The following PYGB variants were observed in gnomAD, a reference collection of about 807,000 sequenced individuals.
PYGB encodes the protein glycogen phosphorylase B.
In PYGB, 82 loss-of-function variants were observed where a neutral mutation model predicts 94.3. That is an observed-to-expected ratio of 0.87 (90% CI 0.73 to 1.04). The LOEUF is 1.04. Ranked by LOEUF, PYGB falls within the 50% of genes least tolerant of loss-of-function variation. The pLI, the probability that PYGB is intolerant of heterozygous loss-of-function variation, is 0.00. For missense variants in PYGB, 1,132 were observed against 1,158.2 expected, an observed-to-expected ratio of 0.98 and a Z score of 0.33; for synonymous variants, 488 against 479.1, an observed-to-expected ratio of 1.02 and a Z score of -0.24.
chr20:25,271,526 G>A (rs201568839), intron 4 of PYGB, 40 bp downstream of exon 4: 898 of 1,572,540 alleles, frequency 5.7e-4, no homozygotes, highest in Non-Finnish European at 7.3e-4. Flanking sequence ...TCCAGCTCTC[G>A]TTCACACAAT....
chr20:25,293,956 A>T, intron 17 of PYGB: 1 of 619,946 alleles, frequency 1.6e-6, no homozygotes, highest in East Asian at 2.8e-5. Context: ...CTTTAGACTG[A>T]CTTCACATCT....
intron 1 of PYGB, among the ~76,000 whole-genome samples, chr20:25,249,759 G>A (rs1209872248): frequency 6.6e-6 from 1 of 152,160 alleles, no homozygotes; most frequent in African/African-American, 2.4e-5. Flanking sequence ...TTATAACAAG[G>A]GCTTGGGATG....
chr20:25,258,952 AC>A (rs1345119254), intron 1 of PYGB, among the ~76,000 whole-genome samples: 2 of 152,172 alleles, frequency 1.3e-5, no homozygotes, highest in Admixed American at 6.5e-5. Flanking sequence ...CCAACCACCA[AC>A]CTGCCCTGCC....
In PYGB at chr20:25,294,273, A is replaced by T; in HGVS notation, c.2293A>T (p.Met765Leu). The stretch of plus-strand genomic sequence containing the variant: ...AGACTGCTTCAAGGACATCGTGAAC[A>T]TGCTGATGCACCATGACAGGTGGGA... ...EPDCFKDIVN[M>L]LMHHDRFKVF... is the part of the protein sequence containing the mutation. The change falls in exon 18 of 20, where the codon ATG (methionine) becomes TTG (leucine). Residue 765 changes from methionine (M) to leucine (L), a missense_variant. Transcript: ENST00000216962. 1.5e-6 allele frequency: 2 copies of T among 1,364,066 alleles called. No homozygotes were observed. The highest frequency in any genetic ancestry group is 2.0e-6 in the Non-Finnish European group (2 of 1,022,914). 84.5% of individuals were successfully genotyped at this position (1,364,066 alleles called of 1,614,324 possible).
In PYGB at chr20:25,279,153, A is replaced by T; in HGVS notation, c.1092+4A>T. On this transcript the variant is annotated splice_donor_region_variant and intron_variant, in intron 9 of 19. Transcript: ENST00000216962. ...GGAGAAGGTGGACTGGGACAAGGTG[A>T]GCATGGAGGAAAAGGGCGGCACCTC... 1.2e-6 allele frequency: 2 copies of T among 1,613,356 alleles called. No individual in the cohort carries two copies. Among genetic ancestry groups the T allele is most frequent in the Non-Finnish European group, 1.7e-6 (2 of 1,179,552 alleles).
At chr20:25,269,353 C>A in intron 3 of PYGB, 146 bp downstream of exon 3, 2 of 601,692 alleles carry the variant, frequency 3.3e-6, no homozygotes, top group Non-Finnish European at 5.8e-6. Flanking sequence ...TGAAATCTTG[C>A]CACTAGTGGG....
intron 3 of PYGB, among the ~76,000 whole-genome samples, chr20:25,269,970 G>A (rs1436237227): frequency 6.6e-6 from 1 of 152,060 alleles, no homozygotes; most frequent in Admixed American, 6.6e-5. Flanking sequence ...CTGCCCACAG[G>A]GTCCTGTACC....
In PYGB at chr20:25,281,092, G is replaced by A. The variant is rs373736028; in HGVS notation, c.1383G>A (p.Ser461=). 1.3e-5 allele frequency: 21 copies of A among 1,614,054 alleles called. 1 individual carries two copies. In the South Asian group the frequency reaches 1.5e-4, roughly 12 times the overall value. The change falls in exon 11 of 20, where the codon TCG becomes TCA. Residue 461 remains serine (S), a synonymous_variant. Transcript: ENST00000216962. The stretch of plus-strand genomic sequence containing the variant: ...TCAATGGTGTGGCGAGGATCCACTC[G>A]GAGATCGTGAAACAGTCGGTGTGAG... ...HAVNGVARIH[S]EIVKQSVFKD...
rs568632001 is a variant in PYGB at position 25,285,474 on chromosome 20, C to G, written c.1768+1223C>G. The G allele has an allele frequency of 1.5e-4, 23 of 152,168 alleles. No homozygotes were observed. In the East Asian group the frequency reaches 4.5e-3, roughly 30 times the overall value. The allele number at this position is 152,168 out of a possible 1,614,324, so 9.4% of individuals were successfully genotyped here. A position where few individuals can be genotyped will look rare whatever the true frequency, so the allele number is the denominator to read the frequency against. On this transcript the variant is annotated intron_variant, in intron 14 of 19. Transcript: ENST00000216962. ...TTTCCTCCTCCCGCTCCGCCACCCC[C>G]AGTCGTCAGTTGTTGCATCGTCTTC...
chr20:25,258,419 C>T (rs1395369413), intron 1 of PYGB, among the ~76,000 whole-genome samples: 1 of 152,180 alleles, frequency 6.6e-6, no homozygotes, highest in Non-Finnish European at 1.5e-5. Context: ...AGTGTTTGGC[C>T]CCTGGTTAAA....
intron 11 of PYGB, 106 bp downstream of exon 11, chr20:25,281,218 G>A: frequency 7.1e-7 from 1 of 1,408,090 alleles, no homozygotes; most frequent in Non-Finnish European, 9.7e-7. Flanking sequence ...CATACAACCT[G>A]TGCCACTAGG....
At chr20:25,251,030 C>T (rs1166132340) in intron 1 of PYGB, 1 of 152,168 alleles carries the variant, frequency 6.6e-6, no homozygotes, top group Non-Finnish European at 1.5e-5. Flanking sequence ...ACTCTTAGCA[C>T]TTTATTTGTG....
rs755591592 is a variant in PYGB, at chr20:25,278,428, C to G, written c.965C>G (p.Pro322Arg). The change falls in exon 8 of 20, where the codon CCT becomes CGT. Residue 322 changes from proline to arginine, a missense_variant. By Grantham distance (103) the Pro-to-Arg change is moderately radical. Coordinates refer to ENST00000216962, the MANE Select transcript of PYGB (RefSeq NM_002862.4). ...TCGTCCAAGTTCGGCTGCCGGGACC[C>G]TGTGAGAACCTGTTTCGAGACGTTC... ...FKSSKFGCRD[P>R]VRTCFETFPD... 1 of 1,614,106 alleles carries G rather than the reference C, an allele frequency of 6.2e-7. No individual in the cohort carries two copies.
At position 25,291,209 on chromosome 20, in the gene PYGB, C is replaced by T. The variant is rs940639859; in HGVS notation, c.1969+587C>T. Among the ~76,000 whole-genome samples, 6 of 152,218 alleles carry T rather than the reference C, an allele frequency of 3.9e-5. No homozygotes were observed. The South Asian group carries it at 1.2e-3, about 32-fold the overall frequency. ...GGCAGCACCTGCCTCATCTGTGCTT[C>T]CTGAGGGCAGCCTGGGCCAGTCCTG... On this transcript the variant is annotated intron_variant, in intron 16 of 19. Transcript: ENST00000216962.
At chr20:25,265,646 G>A (rs1307091567) in intron 2 of PYGB, among the ~76,000 whole-genome samples, 1 of 150,284 alleles carries the variant, frequency 6.7e-6, no homozygotes, top group Non-Finnish European at 1.5e-5. Context: ...CCAGGCTGGA[G>A]GGCAGTGGCG....
chr20:25,277,060 A>G (rs2088319090), intron 6 of PYGB, among the ~76,000 whole-genome samples, 184 bp from the exon 7 acceptor site: 1 of 151,888 alleles, frequency 6.6e-6, no homozygotes, highest in African/African-American at 2.4e-5. Flanking sequence ...TGTGCGGTAC[A>G]TAGGGGAGCT....
chr20:25,296,519 C>G lies in PYGB; in HGVS notation c.2529C>G (p.Asp843Glu), dbSNP rs200916668. Residue 843 changes from aspartate (D) to glutamate (E), a missense_variant, in exon 20 of 20, where the codon GAC (aspartate) becomes GAG (glutamate). Physicochemically the swap from Asp to Glu is conservative, Grantham distance 45 (BLOSUM62 2). Coordinates refer to ENST00000216962, the MANE Select transcript of PYGB (RefSeq NM_002862.4). Reference sequence around the variant, plus strand: ...TCCCGCCCCCCAACATCCCCCGGGACTAGGCACACCCTGCCTTGGCGGGAC... The same window carrying G: ...TCCCGCCCCCCAACATCCCCCGGGAGTAGGCACACCCTGCCTTGGCGGGAC... ...LQIPPPNIPR[D>E] 5.6e-6 allele frequency: 9 copies of G among 1,612,324 alleles called. No individual in the cohort carries two copies. In the South Asian group the frequency reaches 7.7e-5, roughly 14 times the overall value.
chr20:25,290,773 T>G lies in PYGB; in HGVS notation c.1969+151T>G. ...GGCTGCAGGCGAGCAGGGAACGGCTTTAGGGAGTGCTCCCCGTGCAGTGCG... is the reference window on the plus strand; with the variant it reads ...GGCTGCAGGCGAGCAGGGAACGGCTGTAGGGAGTGCTCCCCGTGCAGTGCG... On this transcript the variant is annotated intron_variant, in intron 16 of 19. Coordinates refer to ENST00000216962, the MANE Select transcript of PYGB (RefSeq NM_002862.4). 3.5e-6 allele frequency: 4 copies of G among 1,141,510 alleles called. No individual in the cohort carries two copies. In the South Asian group the frequency reaches 6.0e-5, roughly 17 times the overall value. The allele number at this position is 1,141,510 out of a possible 1,614,324, so 70.7% of individuals were successfully genotyped here. A position where few individuals can be genotyped will look rare whatever the true frequency, so the allele number is the denominator to read the frequency against.
chr20:25,262,665 T>TAAAAGAAAC (rs879331202), intron 2 of PYGB, among the ~76,000 whole-genome samples: 1 of 147,774 alleles, frequency 6.8e-6, no homozygotes, highest in African/African-American at 2.7e-5. Context: ...ATGCTCCATT[T>TAAAAGAAAC]TGACTTGACT....
Sources: gnomAD v4.1 joint callset for allele counts (sites outside exome capture counted in the v4.1 genomes callset) on GRCh38, gnomAD v4.1.1 for gene constraint, MANE v1.5 for transcripts, NCBI Gene and HGNC (gene_info 2026-07-23, HGNC 2026-07-21) for gene names.